The following UNC119B variants were observed in gnomAD, a reference collection of about 807,000 sequenced individuals.
UNC119B encodes unc-119 lipid binding chaperone B, also known as protein unc-119 homolog B.
UNC119B carries 16 observed loss-of-function variants against 23.4 expected under a neutral mutation model. That is an observed-to-expected ratio of 0.68 (90% CI 0.46 to 1.04). UNC119B has a LOEUF of 1.04. Among genes scored for constraint, UNC119B ranks in the 50% least tolerant of loss-of-function variants. The pLI, the probability that UNC119B is intolerant of heterozygous loss-of-function variation, is 0.00. For synonymous variants in UNC119B, 144 were observed against 145.4 expected, an observed-to-expected ratio of 0.99 and a Z score of 0.07; for missense variants, 350 against 361.3, an observed-to-expected ratio of 0.97 and a Z score of 0.25.
At chr12:120,714,732 C>G (rs1882736241) in intron 2 of UNC119B, among the ~76,000 whole-genome samples, 1 of 151,418 alleles carries the variant, frequency 6.6e-6, no homozygotes, top group African/African-American at 2.4e-5. Flanking sequence ...TGCAAGGACT[C>G]CAGGCCTACT....
At chr12:120,714,365 G>A (rs1177723693) in intron 2 of UNC119B, among the ~76,000 whole-genome samples, 1 of 151,914 alleles carries the variant, frequency 6.6e-6, no homozygotes, top group Non-Finnish European at 1.5e-5. Flanking sequence ...CTGTCACCCA[G>A]GCTGGCGTGC....
At chr12:120,714,482 A>C (rs1882729837) in intron 2 of UNC119B, among the ~76,000 whole-genome samples, 1 of 151,944 alleles carries the variant, frequency 6.6e-6, no homozygotes, top group South Asian at 2.1e-4. Context: ...CACCATGCCT[A>C]GCTAATTTCT....
At position 120,720,139 on chromosome 12, in the gene UNC119B, C is replaced by A. The variant is rs1305778585; in HGVS notation, c.*107C>A. Reference sequence around the variant, plus strand: ...TCAACACACATCTGGAACCTGGCCCCAGGAAGCCAAGGCTGGGGTGGCAGT... The same window carrying A: ...TCAACACACATCTGGAACCTGGCCCAAGGAAGCCAAGGCTGGGGTGGCAGT... On this transcript the variant is annotated 3_prime_UTR_variant, in exon 5 of 5. Transcript: ENST00000344651. 4 of 850,536 alleles carry A rather than the reference C, an allele frequency of 4.7e-6. No homozygotes were observed. Among genetic ancestry groups the A allele is most frequent in the South Asian group, 1.6e-5 (1 of 60,770 alleles). 52.7% of individuals were successfully genotyped at this position (850,536 alleles called of 1,614,324 possible). A position where few individuals can be genotyped will look rare whatever the true frequency, so the allele number is the denominator to read the frequency against.
At chr12:120,710,809 T>TC in intron 1 of UNC119B, 91 bp downstream of exon 1, 1 of 1,201,280 alleles carries the variant, frequency 8.3e-7, no homozygotes, top group Admixed American at 4.4e-5. Context: ...AGCGCGGGGG[T>TC]CCCCGCCAGA....
At chr12:120,717,868 G>GTTTTTTTTTTTTTTTTTTTTT (rs1255318406) in intron 4 of UNC119B, among the ~76,000 whole-genome samples, 1 of 135,536 alleles carries the variant, frequency 7.4e-6, no homozygotes, top group Non-Finnish European at 1.6e-5. Context: ...CAGTCTGAAG[G>GTTTTTTTTTTTTTTTTTTTTT]TTTTTTTTTT....
intron 1 of UNC119B, chr12:120,711,327 CA>C (rs1478687188): frequency 6.6e-6 from 1 of 152,242 alleles, no homozygotes; most frequent in Admixed American, 6.5e-5. Flanking sequence ...CACATTAAAA[CA>C]AAAATAAAGT....
Position 120,713,336 on chromosome 12 carries a change from G to C in UNC119B, c.307G>C (p.Asp103His), listed in dbSNP as rs745584020. 6.2e-7 allele frequency: 1 copy of C among 1,614,152 alleles called. No homozygotes were observed. Among genetic ancestry groups the C allele is most frequent in the Non-Finnish European group, 8.5e-7 (1 of 1,179,974 alleles). Residue 103 changes from aspartate (D) to histidine (H), a missense_variant, in exon 2 of 5, where the codon GAT becomes CAT. Transcript: ENST00000344651. ...SIDFTRFKIR[D>H]LETGTVLFEI... ...TGATTTCACCCGCTTCAAAATTCGA[G>C]ATTTGGAGACAGGGACAGTACTTTT...
Position 120,720,227 on chromosome 12 carries a change from C to T in UNC119B, c.*195C>T, listed in dbSNP as rs777036303. On this transcript the variant is annotated 3_prime_UTR_variant, in exon 5 of 5. Coordinates refer to ENST00000344651, the MANE Select transcript of UNC119B (RefSeq NM_001080533.3). ...TTTTCTTCCCCAGTATTTTTTCTTC[C>T]CTTTTTTTCCTGCCCCGTAGGTTGC... 12 of 572,756 alleles carry T rather than the reference C, an allele frequency of 2.1e-5. No homozygotes were observed. In the South Asian group the frequency reaches 2.2e-4, roughly 10 times the overall value. The allele number at this position is 572,756 out of a possible 1,614,324, so 35.5% of individuals were successfully genotyped here.
chr12:120,720,033 G>C lies in UNC119B; in HGVS notation c.*1G>C, dbSNP rs2136933353. The C allele has an allele frequency of 1.2e-6, 2 of 1,609,822 alleles. No homozygotes were observed. Among genetic ancestry groups the C allele is most frequent in the East Asian group, 2.2e-5 (1 of 44,814 alleles). On this transcript the variant is annotated 3_prime_UTR_variant, in exon 5 of 5. Transcript: ENST00000344651. ...TTATGCCTATAATGGAGGCCAGTAA[G>C]TGCTGCAAGAGTAGATAGGGGAGGT... is the stretch of plus-strand genomic sequence containing the variant.
chr12:120,717,159 G>A (rs143449081), intron 4 of UNC119B, 117 bp downstream of exon 4: 13,417 of 1,021,176 alleles, frequency 0.013, 139 homozygotes, highest in Non-Finnish European at 0.014. Flanking sequence ...GACATGATGC[G>A]TATCTAGTCA....
At position 120,710,625 on chromosome 12, in the gene UNC119B, G is replaced by T. The variant is rs558270096; in HGVS notation, c.151G>T (p.Asp51Tyr). ...RRQAPHHAAD[D>Y]GVGAAVTEQE... ...GCAGGCGCCCCACCACGCGGCCGAC[G>T]ACGGCGTCGGGGCAGCGGTCACGGA... The change falls in exon 1 of 5, where the codon GAC becomes TAC. Residue 51 changes from aspartate to tyrosine, a missense_variant. Coordinates refer to ENST00000344651, the MANE Select transcript of UNC119B (RefSeq NM_001080533.3). The T allele has an allele frequency of 3.1e-4, 447 of 1,443,670 alleles. 1 individual carries two copies. The African/African-American group carries it at 6.1e-3, about 20-fold the overall frequency. The allele number at this position is 1,443,670 out of a possible 1,614,324, so 89.4% of individuals were successfully genotyped here.
Position 120,710,531 on chromosome 12 carries a change from G to C in UNC119B, c.57G>C (p.Gly19=), listed in dbSNP as rs1308311549. 2 of 1,374,670 alleles carry C rather than the reference G, an allele frequency of 1.5e-6. No individual in the cohort carries two copies. The highest frequency in any genetic ancestry group is 1.9e-6 in the Non-Finnish European group (2 of 1,070,022). The allele number at this position is 1,374,670 out of a possible 1,614,324, so 85.2% of individuals were successfully genotyped here. A position where few individuals can be genotyped will look rare whatever the true frequency, so the allele number is the denominator to read the frequency against. Residue 19 remains glycine, a synonymous_variant, in exon 1 of 5, where the codon GGG becomes GGC. Transcript: ENST00000344651. ...AAAASAAGPG[G]LVAGKEEKKK... ...CGGCGTCGGCGGCTGGGCCCGGGGGGCTGGTGGCTGGCAAGGAGGAGAAGA... is the reference window on the plus strand; with the variant it reads ...CGGCGTCGGCGGCTGGGCCCGGGGGCCTGGTGGCTGGCAAGGAGGAGAAGA...
intron 1 of UNC119B, 138 bp downstream of exon 1, chr12:120,710,856 C>G (rs906501024): frequency 1.2e-5 from 10 of 845,840 alleles, no homozygotes; most frequent in Non-Finnish European, 1.5e-5. Flanking sequence ...CCCGCTGCCC[C>G]GCCGGCCGGG....
chr12:120,716,096 A>G lies in UNC119B; in HGVS notation c.359-532A>G, dbSNP rs1882773820. 4.6e-5 allele frequency among the ~76,000 whole-genome samples: 7 copies of G among 152,314 alleles called. No homozygotes were observed. The South Asian group carries it at 1.4e-3, about 32-fold the overall frequency. The stretch of plus-strand genomic sequence containing the variant: ...CTGTCAGAAATTTTTATATTCATTG[A>G]AATAACTTTCTGATAAGTGTCAACT... On this transcript the variant is annotated intron_variant, in intron 2 of 4. Coordinates refer to ENST00000344651, the MANE Select transcript of UNC119B (RefSeq NM_001080533.3).
At chr12:120,713,719 A>G (rs1464253826) in intron 2 of UNC119B, among the ~76,000 whole-genome samples, 1 of 152,196 alleles carries the variant, frequency 6.6e-6, no homozygotes, top group Non-Finnish European at 1.5e-5. Context: ...CTCTTTCCTA[A>G]GGCCCTGTGC....
At chr12:120,719,776 C>A in intron 4 of UNC119B, 144 bp from the exon 5 acceptor site, 1 of 629,774 alleles carries the variant, frequency 1.6e-6, no homozygotes, top group South Asian at 1.9e-5. Flanking sequence ...TCCCTCTGTT[C>A]TGACCTCATC....
rs183421410 is a variant in UNC119B, at chr12:120,721,584, G to C, written c.*1552G>C. The C allele has an allele frequency of 2.0e-5, 3 of 152,796 alleles. No individual in the cohort carries two copies. The highest frequency in any genetic ancestry group is 7.2e-5 in the African/African-American group (3 of 41,590). The allele number at this position is 152,796 out of a possible 1,614,324, so 9.5% of individuals were successfully genotyped here. On this transcript the variant is annotated 3_prime_UTR_variant, in exon 5 of 5. Transcript: ENST00000344651. Reference sequence around the variant, plus strand: ...CTGCTCCCTGTGTGGGCTTTAGGGCGAGTGGCCCCGAACCTTGGCCCAGTG... The same window carrying C: ...CTGCTCCCTGTGTGGGCTTTAGGGCCAGTGGCCCCGAACCTTGGCCCAGTG...
In UNC119B at chr12:120,721,149, G is replaced by C. The variant is rs1395307916; in HGVS notation, c.*1117G>C. Reference sequence around the variant, plus strand: ...CTACCTTTCTACTGAAGTAGTTTCTGGAACTTTCCTGGTGGATCAGAGTTA... The same window carrying C: ...CTACCTTTCTACTGAAGTAGTTTCTCGAACTTTCCTGGTGGATCAGAGTTA... On this transcript the variant is annotated 3_prime_UTR_variant, in exon 5 of 5. Coordinates refer to ENST00000344651, the MANE Select transcript of UNC119B (RefSeq NM_001080533.3). 1 of 152,168 alleles carries C rather than the reference G, an allele frequency of 6.6e-6. No individual in the cohort carries two copies. Among genetic ancestry groups the C allele is most frequent in the East Asian group, 1.9e-4 (1 of 5,196 alleles). The allele number at this position is 152,168 out of a possible 1,614,324, so 9.4% of individuals were successfully genotyped here.
chr12:120,717,723 C>T (rs1882811280), intron 4 of UNC119B, among the ~76,000 whole-genome samples: 1 of 149,956 alleles, frequency 6.7e-6, no homozygotes, highest in South Asian at 2.1e-4. Flanking sequence ...CCACCATGCC[C>T]GGCTAATTTT....
Sources: gnomAD v4.1 joint callset for allele counts (sites outside exome capture counted in the v4.1 genomes callset) on GRCh38, gnomAD v4.1.1 for gene constraint, MANE v1.5 for transcripts, NCBI Gene and HGNC (gene_info 2026-07-23, HGNC 2026-07-21) for gene names.